The following TBC1D22A variants were observed in gnomAD, a reference collection of about 807,000 sequenced individuals.
TBC1D22A encodes putative GTPase activator.
Under a neutral mutation model 60.2 loss-of-function variants are expected in TBC1D22A, and 38 were observed. The observed-to-expected ratio is 0.63, with a 90% CI of 0.49 to 0.83. The LOEUF is 0.83. Ranked by LOEUF, TBC1D22A falls within the 40% of genes least tolerant of loss-of-function variation. The pLI, the probability that TBC1D22A is intolerant of heterozygous loss-of-function variation, is 0.00. For synonymous variants in TBC1D22A, 302 were observed against 281.7 expected (o/e 1.07, Z -0.72); for missense variants, 628 against 701.0 (o/e 0.90, Z 1.18).
chr22:46,847,582 T>C (rs1314202877), intron 4 of TBC1D22A, among the ~76,000 whole-genome samples: 1 of 152,258 alleles, frequency 6.6e-6, no homozygotes, highest in Non-Finnish European at 1.5e-5. Flanking sequence ...GACGTGTCTG[T>C]AGGAAAATGT....
intron 11 of TBC1D22A, among the ~76,000 whole-genome samples, chr22:47,053,767 T>C (rs2063304395): frequency 1.3e-5 from 2 of 152,228 alleles, no homozygotes; most frequent in Non-Finnish European, 2.9e-5. Flanking sequence ...CCTTCTGCGC[T>C]CCAGGCGCTG....
intron 4 of TBC1D22A, among the ~76,000 whole-genome samples, chr22:46,814,770 C>T (rs1187714732): frequency 2.0e-5 from 3 of 151,714 alleles, no homozygotes; most frequent in African/African-American, 4.8e-5. Context: ...CATCAGCTCC[C>T]GAGTAGCTGG....
chr22:46,803,178 A>C (rs2084972304), intron 4 of TBC1D22A, among the ~76,000 whole-genome samples: 5 of 150,072 alleles, frequency 3.3e-5, no homozygotes, highest in African/African-American at 7.4e-5. Flanking sequence ...CTGCACCCCC[A>C]CCCCCTTCCT....
intron 12 of TBC1D22A, among the ~76,000 whole-genome samples, chr22:47,120,949 G>A (rs1022398964): frequency 6.6e-6 from 1 of 152,178 alleles, no homozygotes; most frequent in East Asian, 1.9e-4. Flanking sequence ...GGAAATATCC[G>A]TCTACCAGAA....
At chr22:46,992,360 T>TA (rs2074977025) in intron 9 of TBC1D22A, among the ~76,000 whole-genome samples, 2 of 152,244 alleles carry the variant, frequency 1.3e-5, no homozygotes, top group South Asian at 4.1e-4. Context: ...CCGAGGATGT[T>TA]ACTGGGGACT....
intron 8 of TBC1D22A, among the ~76,000 whole-genome samples, chr22:46,973,262 T>G (rs866951695): frequency 2.8e-5 from 4 of 143,374 alleles, no homozygotes; most frequent in African/African-American, 1.2e-4. Flanking sequence ...GGCACCCCCC[T>G]CCCCATGTGT....
chr22:46,767,942 C>G (rs2083341908), intron 1 of TBC1D22A: 1 of 152,746 alleles, frequency 6.5e-6, no homozygotes, highest in Admixed American at 6.5e-5. Context: ...ATGGACTGTT[C>G]TTTGATTCTG....
intron 10 of TBC1D22A, among the ~76,000 whole-genome samples, chr22:47,020,804 G>A (rs528191677): frequency 1.3e-5 from 2 of 151,406 alleles, no homozygotes; most frequent in South Asian, 2.1e-4. Flanking sequence ...AATTCTAATC[G>A]ATGGAACATG....
At chr22:47,081,938 A>G (rs1359330128) in intron 11 of TBC1D22A, among the ~76,000 whole-genome samples, 1 of 152,162 alleles carries the variant, frequency 6.6e-6, no homozygotes, top group Non-Finnish European at 1.5e-5. Context: ...CGGGTGGATC[A>G]CCTGAGGTCA....
At chr22:47,162,560 T>G (rs2068029676) in intron 12 of TBC1D22A, among the ~76,000 whole-genome samples, 1 of 152,212 alleles carries the variant, frequency 6.6e-6, no homozygotes, top group Admixed American at 6.5e-5. Flanking sequence ...TGAGCACCTT[T>G]CTATAGTCAT....
intron 8 of TBC1D22A, among the ~76,000 whole-genome samples, chr22:46,929,335 A>G (rs1055193801): frequency 2.0e-4 from 31 of 152,152 alleles, no homozygotes; most frequent in Admixed American, 1.5e-3. Flanking sequence ...TTAGGTCTGG[A>G]TAACATTTGC....
chr22:46,928,114 C>T (rs950213772), intron 8 of TBC1D22A, among the ~76,000 whole-genome samples: 1 of 121,174 alleles, frequency 8.3e-6, no homozygotes, highest in Admixed American at 9.6e-5. Flanking sequence ...CCGGAATAGC[C>T]GTAACAGTCT....
intron 12 of TBC1D22A, among the ~76,000 whole-genome samples, chr22:47,131,404 C>T (rs1345909175): frequency 6.6e-6 from 1 of 152,200 alleles, no homozygotes; most frequent in Non-Finnish European, 1.5e-5. Context: ...GCTCGTTAAT[C>T]GGCCAGTAGT....
intron 4 of TBC1D22A, among the ~76,000 whole-genome samples, chr22:46,857,263 C>T (rs544254169): frequency 1.2e-4 from 19 of 152,354 alleles, no homozygotes; most frequent in African/African-American, 4.6e-4. Flanking sequence ...CTTTGCTCTG[C>T]TGCCATCTTG....
intron 12 of TBC1D22A, among the ~76,000 whole-genome samples, chr22:47,168,640 A>C (rs1450285103): frequency 1.3e-5 from 2 of 152,090 alleles, no homozygotes; most frequent in African/African-American, 4.8e-5. Context: ...CCAGCCACTC[A>C]GAGCTCAGGG....
intron 10 of TBC1D22A, among the ~76,000 whole-genome samples, chr22:47,004,518 T>G (rs2061517904): frequency 6.7e-6 from 1 of 149,646 alleles, no homozygotes; most frequent in Non-Finnish European, 1.5e-5. Context: ...ACTTCACATA[T>G]GCCTATACAC....
chr22:46,769,890 A>G (rs541465692), intron 1 of TBC1D22A, among the ~76,000 whole-genome samples: 9 of 152,134 alleles, frequency 5.9e-5, no homozygotes, highest in Non-Finnish European at 1.2e-4. Flanking sequence ...TGGCACACTC[A>G]GGATTCACTG....
At chr22:47,006,665 C>T (rs1028842193) in intron 10 of TBC1D22A, among the ~76,000 whole-genome samples, 1 of 152,198 alleles carries the variant, frequency 6.6e-6, no homozygotes, top group Non-Finnish European at 1.5e-5. Context: ...CGTTTTCTCC[C>T]CCCGCTCTAG....
intron 11 of TBC1D22A, among the ~76,000 whole-genome samples, chr22:47,062,404 G>A (rs1353050979): frequency 6.6e-6 from 1 of 152,194 alleles, no homozygotes; most frequent in African/African-American, 2.4e-5. Flanking sequence ...TTTACAGTCA[G>A]CTCGGAAGCA....
Sources: allele counts gnomAD v4.1 joint callset (sites outside exome capture counted in the v4.1 genomes callset), GRCh38; gene constraint gnomAD v4.1.1; transcripts MANE v1.5; gene names NCBI Gene and HGNC (gene_info 2026-07-23, HGNC 2026-07-21).